The following ACAD11 variants were observed in gnomAD, a reference collection of about 807,000 sequenced individuals.
ACAD11 encodes the protein acyl-CoA dehydrogenase family member 11, also known as acyl-Coenzyme A dehydrogenase family, member 11.
Under a neutral mutation model 102.2 loss-of-function variants are expected in ACAD11, and 83 were observed. The observed-to-expected ratio is 0.81, with a 90% CI of 0.68 to 0.97. ACAD11 has a LOEUF of 0.97. Ranked by LOEUF, ACAD11 falls within the 50% of genes least tolerant of loss-of-function variation. The probability of loss-of-function intolerance (pLI) is 0.00; values close to 1 mark genes in which losing one functional copy is unlikely to be tolerated. For synonymous variants in ACAD11, 324 were observed against 319.8 expected, an observed-to-expected ratio of 1.01 and a Z score of -0.14; for missense variants, 901 against 951.7, an observed-to-expected ratio of 0.95 and a Z score of 0.70.
At chr3:132,566,224 G>GA (rs1367728003) in intron 17 of ACAD11, among the ~76,000 whole-genome samples, 3 of 121,374 alleles carry the variant, frequency 2.5e-5, no homozygotes, top group African/African-American at 3.3e-5. Context: ...GGGGACAGAG[G>GA]AAAAAAATCA....
intron 13 of ACAD11, among the ~76,000 whole-genome samples, chr3:132,585,599 A>G (rs2107801507): frequency 6.6e-6 from 1 of 152,340 alleles, no homozygotes; most frequent in South Asian, 2.1e-4. Flanking sequence ...CATCTGACAA[A>G]GGGCTAATAT....
Position 132,579,510 on chromosome 3 carries a change from T to A in ACAD11, c.1670A>T (p.Gln557Leu). Residue 557 changes from glutamine (Q) to leucine (L), a missense_variant, in exon 14 of 20, where the codon CAA becomes CTA. Transcript: ENST00000264990. ...TAATTACCTGGAGAGAGAAGTATTT[T>A]GAGTTCTTCCCAAAACAATTGCAAT... The part of the protein sequence containing the change: ...CKIAIVLGRT[Q>L]NTSLSRHKQH... 1 of 1,613,070 alleles carries A rather than the reference T, an allele frequency of 6.2e-7. No individual in the cohort carries two copies.
In ACAD11 at chr3:132,626,705, G is replaced by A. The variant is rs936605883; in HGVS notation, c.1183C>T (p.Leu395Phe). ...ATAATACTCACCTTTTCAGCTGGAA[G>A]AATGTGTTGTTTCATGAAATGCTTC... is the stretch of plus-strand genomic sequence containing the variant. Reference protein sequence around the residue: ...KVKHFMKQHILPAEKEVTEFY... With the variant: ...KVKHFMKQHIFPAEKEVTEFY... The change falls in exon 9 of 20, where the codon CTT becomes TTT. Residue 395 changes from leucine (L) to phenylalanine (F), a missense_variant. By Grantham distance (22) the Leu-to-Phe change is conservative. Transcript: ENST00000264990. 1 of 1,613,590 alleles carries A rather than the reference G, an allele frequency of 6.2e-7. No homozygotes were observed.
chr3:132,561,604 G>A (rs1322646940), intron 17 of ACAD11, among the ~76,000 whole-genome samples: 2 of 152,216 alleles, frequency 1.3e-5, no homozygotes, highest in African/African-American at 2.4e-5. Context: ...TGGTAGTGAA[G>A]CTGCTTACAG....
At chr3:132,571,082 T>C (rs1285882950) in intron 17 of ACAD11, among the ~76,000 whole-genome samples, 2 of 152,194 alleles carry the variant, frequency 1.3e-5, no homozygotes, top group Admixed American at 6.5e-5. Flanking sequence ...TGAGGAATCC[T>C]CACACTGTTT....
chr3:132,603,325 G>A lies in ACAD11; in HGVS notation c.1525C>T (p.Pro509Ser), dbSNP rs1032139799. 1 of 1,613,208 alleles carries A rather than the reference G, an allele frequency of 6.2e-7. No homozygotes were observed. The highest frequency in any genetic ancestry group is 1.1e-5 in the South Asian group (1 of 91,026). ...GTGGCATCACTTGAAGCTACATCAG[G>A]TTCTATAAATAAACAAAAGCTGAAT... ...NITSCFCMTE[P>S]DVASSDATNI... The change falls in exon 13 of 20, where the codon CCT becomes TCT. Residue 509 changes from proline to serine, a missense_variant and splice_region_variant. Physicochemically the swap from Pro to Ser is moderately conservative, Grantham distance 74 (BLOSUM62 -1). Transcript: ENST00000264990.
At chr3:132,654,272 T>C (rs79222085) in intron 1 of ACAD11, among the ~76,000 whole-genome samples, 2,007 of 152,336 alleles carry the variant, frequency 0.013, 50 homozygotes, top group African/African-American at 0.046. Context: ...TTGTCACGTG[T>C]AAACATCCTA....
chr3:132,643,467 A>C (rs1940598920), intron 2 of ACAD11, among the ~76,000 whole-genome samples: 1 of 152,158 alleles, frequency 6.6e-6, no homozygotes, highest in Non-Finnish European at 1.5e-5. Context: ...ATCACTCAGG[A>C]CCCAAGGGCA....
At chr3:132,645,476 G>A (rs1354298839) in intron 1 of ACAD11, among the ~76,000 whole-genome samples, 1 of 152,164 alleles carries the variant, frequency 6.6e-6, no homozygotes, top group African/African-American at 2.4e-5. Context: ...GACTTTCCCT[G>A]CCAGATGAAC....
intron 13 of ACAD11, among the ~76,000 whole-genome samples, chr3:132,602,791 GAATT>G (rs762804525): frequency 2.6e-5 from 4 of 152,196 alleles, no homozygotes; most frequent in Middle Eastern, 3.4e-3. Context: ...TTCACATGCA[GAATT>G]AATTAATTAT....
At chr3:132,609,520 A>T in intron 11 of ACAD11, among the ~76,000 whole-genome samples, 1 of 152,228 alleles carries the variant, frequency 6.6e-6, no homozygotes, top group Non-Finnish European at 1.5e-5. Context: ...CAAATAAACT[A>T]GAAAATCTAG....
rs760275509 is a variant in ACAD11 at position 132,559,026 on chromosome 3, G to A, written c.2288C>T (p.Ala763Val). The part of the protein sequence containing the change: ...ADGPDEVHLS[A>V]IATMELRDQA... The stretch of plus-strand genomic sequence containing the variant: ...GTCCCGCAGCTCCATTGTTGCGATT[G>A]CTGAAAGATGAACTTCGTCAGGTCC... The change falls in exon 20 of 20, where the codon GCA (alanine) becomes GTA (valine). Residue 763 changes from alanine (A) to valine (V), a missense_variant. Coordinates refer to ENST00000264990, the MANE Select transcript of ACAD11 (RefSeq NM_032169.5). The A allele has an allele frequency of 2.5e-6, 4 of 1,613,786 alleles. No individual in the cohort carries two copies. Among genetic ancestry groups the A allele is most frequent in the South Asian group, 2.2e-5 (2 of 91,042 alleles).
chr3:132,620,581 G>A (rs1939570203), intron 9 of ACAD11, among the ~76,000 whole-genome samples: 1 of 152,168 alleles, frequency 6.6e-6, no homozygotes, highest in Admixed American at 6.5e-5. Flanking sequence ...TATAAATAGA[G>A]TAATGATCAG....
Position 132,578,087 on chromosome 3 carries a change from G to A in ACAD11, c.1774+709C>T, listed in dbSNP as rs369078276. On this transcript the variant is annotated intron_variant, in intron 15 of 19. Transcript: ENST00000264990. ...AAAAAGAAAGCCAGGGGCTGGGCCC[G>A]GTGGCTCATACCTATAATCCCAGCA... Among the ~76,000 whole-genome samples the A allele has an allele frequency of 2.0e-5, 3 of 152,130 alleles. No homozygotes were observed. In the South Asian group the frequency reaches 6.2e-4, roughly 32 times the overall value.
intron 13 of ACAD11, among the ~76,000 whole-genome samples, chr3:132,596,406 T>G (rs892729640): frequency 1.3e-5 from 2 of 152,184 alleles, no homozygotes; most frequent in African/African-American, 4.8e-5. Context: ...AACTTGCATG[T>G]GTACCCCTGA....
chr3:132,594,722 TA>T (rs1296906507), intron 13 of ACAD11, among the ~76,000 whole-genome samples: 1 of 152,132 alleles, frequency 6.6e-6, no homozygotes, highest in Non-Finnish European at 1.5e-5. Context: ...GTTAGGGAAC[TA>T]AAATAGGGTG....
At chr3:132,626,839 A>G (rs749721600) in intron 8 of ACAD11, 22 bp from the exon 9 acceptor site, 1 of 1,596,242 alleles carries the variant, frequency 6.3e-7, no homozygotes, top group Non-Finnish European at 8.5e-7. Flanking sequence ...GAAAAAAGGA[A>G]AAAAAGGTTA....
At chr3:132,609,737 T>G (rs1443226429) in intron 11 of ACAD11, among the ~76,000 whole-genome samples, 1 of 152,094 alleles carries the variant, frequency 6.6e-6, no homozygotes, top group Non-Finnish European at 1.5e-5. Context: ...TCTGAAACTA[T>G]TCCAAATAGA....
Position 132,642,731 on chromosome 3 carries a change from G to A in ACAD11, c.321C>T (p.Tyr107=), listed in dbSNP as rs147972445. ...TTCCAATGACAGAAGTATCACTGCAGTACAGTATAGGCTTGGGAACGGGGA... is the reference window on the plus strand; with the variant it reads ...TTCCAATGACAGAAGTATCACTGCAATACAGTATAGGCTTGGGAACGGGGA... ...IGFPVPKPIL[Y]CSDTSVIGTE... Residue 107 remains tyrosine, a synonymous_variant, in exon 3 of 20, where the codon TAC becomes TAT. Coordinates refer to ENST00000264990, the MANE Select transcript of ACAD11 (RefSeq NM_032169.5). 4.3e-6 allele frequency: 7 copies of A among 1,613,284 alleles called. No homozygotes were observed. The African/African-American group carries it at 8.0e-5, about 18-fold the overall frequency.
Sources: allele counts gnomAD v4.1 joint callset (sites outside exome capture counted in the v4.1 genomes callset), GRCh38; gene constraint gnomAD v4.1.1; transcripts MANE v1.5; gene names NCBI Gene and HGNC (gene_info 2026-07-23, HGNC 2026-07-21).